Variants in PAMR1 observed in about 807,000 individuals in gnomAD.
The protein encoded by PAMR1 is peptidase domain containing associated with muscle regeneration 1.
Under a neutral mutation model 81.8 loss-of-function variants are expected in PAMR1, and 88 were observed. That is an observed-to-expected ratio of 1.08 (90% confidence interval 0.91 to 1.28). PAMR1 has a LOEUF of 1.28. PAMR1 is among the 50% of genes most tolerant of loss of function. The probability of loss-of-function intolerance (pLI) is 0.00; values close to 1 mark genes in which losing one functional copy is unlikely to be tolerated. For missense variants in PAMR1, 935 were observed against 919.7 expected, an observed-to-expected ratio of 1.02 and a Z score of -0.21; for synonymous variants, 336 against 345.3, an observed-to-expected ratio of 0.97 and a Z score of 0.30.
intron 6 of PAMR1, among the ~76,000 whole-genome samples, chr11:35,445,563 A>G (rs1460785997): frequency 2.0e-5 from 3 of 147,852 alleles, no homozygotes; most frequent in Non-Finnish European, 4.5e-5. Context: ...GTTGAATTTT[A>G]TCAAAGGCTT....
chr11:35,482,549 G>T (rs1199125945), intron 3 of PAMR1, among the ~76,000 whole-genome samples: 1 of 152,124 alleles, frequency 6.6e-6, no homozygotes, highest in Non-Finnish European at 1.5e-5. Context: ...GGCATTTAAA[G>T]TAATTTTTTT....
chr11:35,474,335 G>A (rs1285953846), intron 4 of PAMR1, among the ~76,000 whole-genome samples: 2 of 152,210 alleles, frequency 1.3e-5, no homozygotes, highest in African/African-American at 2.4e-5. Context: ...AGCCCAGTCC[G>A]AGTAAGTAGG....
intron 3 of PAMR1, among the ~76,000 whole-genome samples, chr11:35,488,669 C>CTTT (rs34053329): frequency 0.014 from 619 of 42,964 alleles, 65 homozygotes; most frequent in East Asian, 0.052. Context: ...CAAATCTTGC[C>CTTT]TTTTTTTTTT....
At chr11:35,447,193 C>T (rs1482891619) in intron 6 of PAMR1, among the ~76,000 whole-genome samples, 2 of 149,068 alleles carry the variant, frequency 1.3e-5, no homozygotes, top group African/African-American at 2.5e-5. Flanking sequence ...GGTAATTTTT[C>T]CTCCATCCCT....
At chr11:35,460,417 C>T (rs1856627836) in intron 6 of PAMR1, among the ~76,000 whole-genome samples, 1 of 151,486 alleles carries the variant, frequency 6.6e-6, no homozygotes, top group Admixed American at 6.6e-5. Context: ...TGTTGGTGTG[C>T]TGCACCCATT....
At chr11:35,438,668 G>A (rs1375992484) in intron 8 of PAMR1, among the ~76,000 whole-genome samples, 1 of 152,180 alleles carries the variant, frequency 6.6e-6, no homozygotes, top group Non-Finnish European at 1.5e-5. Flanking sequence ...GTTCCTGCAC[G>A]TGTAACTTTC....
intron 1 of PAMR1, among the ~76,000 whole-genome samples, chr11:35,495,254 G>A (rs893739123): frequency 3.3e-5 from 5 of 151,944 alleles, no homozygotes; most frequent in Admixed American, 3.3e-4. Context: ...AGTATGTTTG[G>A]GAGAATTTCA....
At chr11:35,452,483 G>C (rs1856438897) in intron 6 of PAMR1, among the ~76,000 whole-genome samples, 1 of 152,084 alleles carries the variant, frequency 6.6e-6, no homozygotes, top group Admixed American at 6.6e-5. Context: ...CCATACTGGT[G>C]AAAGACATCA....
Position 35,475,747 on chromosome 11 carries a change from A to G in PAMR1, c.380-1003T>C, listed in dbSNP as rs116228282. On this transcript the variant is annotated intron_variant, in intron 3 of 10. Coordinates refer to ENST00000619888, the MANE Select transcript of PAMR1 (RefSeq NM_001001991.3). ...TTTGAAAATAAGGTTTTATTGGAAC[A>G]CAGTGACACCCATTCATTTATGTAT... is the stretch of plus-strand genomic sequence containing the variant. Among the ~76,000 whole-genome samples the G allele has an allele frequency of 4.9e-3, 746 of 152,344 alleles. 6 individuals are homozygous for G. The highest frequency in any genetic ancestry group is 0.017 in the African/African-American group (716 of 41,574).
chr11:35,526,405 T>G (rs1444377611), upstream of PAMR1, among the ~76,000 whole-genome samples: 4 of 152,154 alleles, frequency 2.6e-5, no homozygotes, highest in Non-Finnish European at 4.4e-5. Context: ...CCTCACTGCC[T>G]CCACCAAAAG....
At chr11:35,526,744 T>A (rs563274815), upstream of PAMR1, among the ~76,000 whole-genome samples, 1 of 152,298 alleles carries the variant, frequency 6.6e-6, no homozygotes, top group South Asian at 2.1e-4. Flanking sequence ...CAGAATTGTA[T>A]TTCACCATTT....
intron 1 of PAMR1, among the ~76,000 whole-genome samples, chr11:35,495,693 A>C (rs554129888): frequency 4.6e-5 from 7 of 152,304 alleles, no homozygotes; most frequent in African/African-American, 1.4e-4. Context: ...TAGCACCTGC[A>C]GTGGCTTCTA....
chr11:35,494,845 C>T (rs1166261605), intron 1 of PAMR1, among the ~76,000 whole-genome samples: 1 of 152,106 alleles, frequency 6.6e-6, no homozygotes, highest in Non-Finnish European at 1.5e-5. Flanking sequence ...TTATTTTTAT[C>T]TTTAAAAAAA....
intron 7 of PAMR1, among the ~76,000 whole-genome samples, chr11:35,440,008 T>A (rs1856131744): frequency 6.6e-6 from 1 of 152,208 alleles, no homozygotes; most frequent in Non-Finnish European, 1.5e-5. Flanking sequence ...ATTAGCAAAC[T>A]TGATCAAAAT....
intron 6 of PAMR1, among the ~76,000 whole-genome samples, chr11:35,460,554 C>A (rs557228061): frequency 6.6e-6 from 1 of 152,200 alleles, no homozygotes; most frequent in Admixed American, 6.5e-5. Context: ...CAATTCCCAC[C>A]TATGAGTGAG....
chr11:35,492,794 A>G (rs912596367), intron 2 of PAMR1, among the ~76,000 whole-genome samples: 2 of 152,220 alleles, frequency 1.3e-5, no homozygotes, highest in Non-Finnish European at 2.9e-5. Context: ...CCAGCAGGCC[A>G]CACCAGAGGG....
At position 35,432,879 on chromosome 11, in the gene PAMR1, A is replaced by G. The variant is rs1855945433; in HGVS notation, c.1640T>C (p.Ile547Thr). The G allele has an allele frequency of 6.3e-7, 1 of 1,578,290 alleles. No homozygotes were observed. Among genetic ancestry groups the G allele is most frequent in the Non-Finnish European group, 8.6e-7 (1 of 1,166,592 alleles). Residue 547 changes from isoleucine (I) to threonine (T), a missense_variant, in exon 11 of 11, where the codon ATT becomes ACT. By Grantham distance (89) the Ile-to-Thr change is moderately conservative. Transcript: ENST00000619888. ...TIQSLQISAI[I>T]LHPNYDPILL... ...GATGGGGTCATAGTTGGGATGCAGAATGATAGCAGAAATCTACAAATGCAA... is the reference window on the plus strand; with the variant it reads ...GATGGGGTCATAGTTGGGATGCAGAGTGATAGCAGAAATCTACAAATGCAA...
chr11:35,441,919 T>C (rs1221657929), intron 6 of PAMR1, among the ~76,000 whole-genome samples: 5 of 152,226 alleles, frequency 3.3e-5, no homozygotes, highest in African/African-American at 1.2e-4. Context: ...TATATATAAA[T>C]AAATTTGATG....
intron 3 of PAMR1, among the ~76,000 whole-genome samples, chr11:35,479,929 A>G (rs1167577347): frequency 6.6e-6 from 1 of 152,194 alleles, no homozygotes; most frequent in East Asian, 1.9e-4. Flanking sequence ...GTTCATAGTA[A>G]GTACTACGTG....
Sources: gnomAD v4.1 joint callset for allele counts (sites outside exome capture counted in the v4.1 genomes callset) on GRCh38, gnomAD v4.1.1 for gene constraint, MANE v1.5 for transcripts, NCBI Gene and HGNC (gene_info 2026-07-23, HGNC 2026-07-21) for gene names.